FAM151B: variants seen among roughly 807,000 people sequenced by gnomAD.
FAM151B encodes the protein protein FAM151B.
A neutral mutation model predicts 31.2 loss-of-function variants in FAM151B; 24 were observed. That is an observed-to-expected ratio of 0.77 (90% CI 0.56 to 1.08). The LOEUF (loss-of-function observed/expected upper bound fraction) is 1.08. Ranked by LOEUF, FAM151B falls within the 50% of genes least tolerant of loss-of-function variation. The probability of loss-of-function intolerance (pLI) is 0.00; values close to 1 mark genes in which losing one functional copy is unlikely to be tolerated. For missense variants in FAM151B, 293 were observed against 328.6 expected, an observed-to-expected ratio of 0.89 and a Z score of 0.84; for synonymous variants, 105 against 111.4, an observed-to-expected ratio of 0.94 and a Z score of 0.36.
In FAM151B at chr5:80,497,357, G is replaced by A. The variant is rs536409526; in HGVS notation, c.26-4435G>A. 3.3e-5 allele frequency among the ~76,000 whole-genome samples: 5 copies of A among 150,930 alleles called. No homozygotes were observed. In the East Asian group the frequency reaches 9.9e-4, roughly 30 times the overall value. On this transcript the variant is annotated intron_variant, in intron 1 of 5. Transcript: ENST00000282226. The stretch of plus-strand genomic sequence containing the variant: ...TTGAACACAGGAGGCGGAGATTGCA[G>A]TGAGCTGAGATCATGCCCCTGCACT...
chr5:80,513,226 A>T (rs956609872), intron 2 of FAM151B, among the ~76,000 whole-genome samples: 1 of 152,262 alleles, frequency 6.6e-6, no homozygotes, highest in South Asian at 2.1e-4. Flanking sequence ...ATGAATATCC[A>T]TAATTTCTAA....
chr5:80,500,152 A>G (rs998862757), intron 1 of FAM151B, among the ~76,000 whole-genome samples: 1 of 152,216 alleles, frequency 6.6e-6, no homozygotes, highest in Non-Finnish European at 1.5e-5. Flanking sequence ...CCAGACACAG[A>G]AAGAAAAATA....
At chr5:80,498,586 G>C (rs1321888115) in intron 1 of FAM151B, 1 of 1,070,640 alleles carries the variant, frequency 9.3e-7, no homozygotes, top group Non-Finnish European at 1.4e-6. Flanking sequence ...CCACAATAAT[G>C]TCTGTCAAAG....
chr5:80,493,229 A>C (rs557581766), intron 1 of FAM151B, among the ~76,000 whole-genome samples: 51 of 152,344 alleles, frequency 3.3e-4, no homozygotes, highest in South Asian at 6.2e-4. Context: ...TGAAGATTTC[A>C]TGGACATTTA....
chr5:80,515,927 T>C (rs1744426878), intron 3 of FAM151B, among the ~76,000 whole-genome samples: 1 of 152,268 alleles, frequency 6.6e-6, no homozygotes, highest in Non-Finnish European at 1.5e-5. Flanking sequence ...ACCAGAATGC[T>C]GCACTCACTC....
Position 80,542,327 on chromosome 5 carries a change from A to G in FAM151B, c.*495A>G, listed in dbSNP as rs1745933489. 6.5e-6 allele frequency: 1 copy of G among 152,690 alleles called. No individual in the cohort carries two copies. The highest frequency in any genetic ancestry group is 2.1e-4 in the South Asian group (1 of 4,850). The allele number at this position is 152,690 out of a possible 1,614,324, so 9.5% of individuals were successfully genotyped here. ...GTCTCATATCAAGATCTATTAATCC[A>G]TTTCCTGAAACTGTAGATTAAATTA... On this transcript the variant is annotated 3_prime_UTR_variant, in exon 6 of 6. Transcript: ENST00000282226.
At chr5:80,519,577 C>T in intron 3 of FAM151B, 116 bp from the exon 4 acceptor site, 1 of 826,638 alleles carries the variant, frequency 1.2e-6, no homozygotes, top group Non-Finnish European at 1.9e-6. Flanking sequence ...TTATTTAACC[C>T]AGACATTATT....
chr5:80,505,437 C>A (rs1437824924), intron 2 of FAM151B, among the ~76,000 whole-genome samples: 2 of 151,282 alleles, frequency 1.3e-5, no homozygotes, highest in Non-Finnish European at 2.9e-5. Flanking sequence ...CTCTGTCACC[C>A]AGGCTGGAGT....
chr5:80,528,279 A>ATT (rs750171451), intron 5 of FAM151B, among the ~76,000 whole-genome samples: 7 of 152,166 alleles, frequency 4.6e-5, no homozygotes, highest in Non-Finnish European at 7.3e-5. Flanking sequence ...CACTAAAAGG[A>ATT]AGAAAGGAAG....
chr5:80,532,739 C>T (rs1745302642), intron 5 of FAM151B, among the ~76,000 whole-genome samples: 1 of 152,106 alleles, frequency 6.6e-6, no homozygotes, highest in South Asian at 2.1e-4. Context: ...CAGGGTAGAC[C>T]ATATATTAGA....
intron 5 of FAM151B, among the ~76,000 whole-genome samples, chr5:80,527,746 G>A (rs566979221): frequency 2.0e-5 from 3 of 152,228 alleles, no homozygotes; most frequent in African/African-American, 7.2e-5. Flanking sequence ...TGAGTGGGTG[G>A]TAAATGAATG....
At chr5:80,515,290 T>C (rs1359508571) in intron 3 of FAM151B, among the ~76,000 whole-genome samples, 1 of 152,040 alleles carries the variant, frequency 6.6e-6, no homozygotes, top group Non-Finnish European at 1.5e-5. Context: ...ACTTTTTGAG[T>C]TATCAATGGT....
At chr5:80,493,106 A>T (rs1210472838) in intron 1 of FAM151B, among the ~76,000 whole-genome samples, 1 of 152,236 alleles carries the variant, frequency 6.6e-6, no homozygotes, top group African/African-American at 2.4e-5. Context: ...ACTCCATGGA[A>T]CACACAAATT....
At chr5:80,510,243 G>C (rs1391864365) in intron 2 of FAM151B, among the ~76,000 whole-genome samples, 1 of 152,172 alleles carries the variant, frequency 6.6e-6, no homozygotes, top group African/African-American at 2.4e-5. Context: ...TGGGTGCCCA[G>C]CTGGGCCTGG....
intron 4 of FAM151B, among the ~76,000 whole-genome samples, chr5:80,521,116 C>CTTTTTT (rs57212651): frequency 4.2e-5 from 3 of 71,880 alleles, no homozygotes; most frequent in East Asian, 5.4e-4. Context: ...TGCACCTGGC[C>CTTTTTT]TTTTTTTTTT....
chr5:80,496,389 AT>A lies in FAM151B; in HGVS notation c.26-5396del, dbSNP rs372469142. Reference sequence around the variant, plus strand: ...AGTATTTTAAAATTAAGGTATGCACATTTTTTTAGACATAATGCTATTGTAC... The same window carrying A: ...AGTATTTTAAAATTAAGGTATGCACATTTTTTAGACATAATGCTATTGTAC... On this transcript the variant is annotated intron_variant, in intron 1 of 5. Coordinates refer to ENST00000282226, the MANE Select transcript of FAM151B (RefSeq NM_205548.3). Among the ~76,000 whole-genome samples the A allele has an allele frequency of 6.3e-3, 952 of 152,292 alleles. 9 individuals are homozygous for A. The highest frequency in any genetic ancestry group is 0.021 in the African/African-American group (859 of 41,570).
At chr5:80,536,060 G>A (rs755666433) in intron 5 of FAM151B, among the ~76,000 whole-genome samples, 7 of 152,178 alleles carry the variant, frequency 4.6e-5, no homozygotes, top group Non-Finnish European at 2.9e-5. Context: ...CAATTAAAAT[G>A]GCTTTTATCC....
chr5:80,514,680 T>C (rs1231365041), intron 3 of FAM151B, among the ~76,000 whole-genome samples: 1 of 152,052 alleles, frequency 6.6e-6, no homozygotes, highest in African/African-American at 2.4e-5. Context: ...GTAAAGCTTA[T>C]GAAGGCAGCT....
intron 1 of FAM151B, among the ~76,000 whole-genome samples, chr5:80,494,114 T>C (rs1206570600): frequency 6.6e-6 from 1 of 152,212 alleles, no homozygotes; most frequent in African/African-American, 2.4e-5. Context: ...GTTCCCCCGA[T>C]ATATGGAGAA....
Sources: allele counts gnomAD v4.1 joint callset (sites outside exome capture counted in the v4.1 genomes callset), GRCh38; gene constraint gnomAD v4.1.1; transcripts MANE v1.5; gene names NCBI Gene and HGNC (gene_info 2026-07-23, HGNC 2026-07-21).